The following HECW2 variants were observed in gnomAD, a reference collection of about 807,000 sequenced individuals.
HECW2 encodes E3 ubiquitin-protein ligase HECW2.
HECW2 carries 61 observed loss-of-function variants against 175.2 expected under a neutral mutation model. That is an observed-to-expected ratio of 0.35 (90% confidence interval 0.28 to 0.43). HECW2 has a LOEUF of 0.43. HECW2 is among the 20% of genes least tolerant of loss of function. The pLI is 1.00. For synonymous variants in HECW2, 671 were observed against 731.0 expected (o/e 0.92, Z 1.32); for missense variants, 1,524 against 2,000.5 (o/e 0.76, Z 4.54).
intron 1 of HECW2, among the ~76,000 whole-genome samples, chr2:196,541,809 C>A (rs1043007506): frequency 4.6e-5 from 7 of 151,880 alleles, no homozygotes; most frequent in Admixed American, 2.6e-4. Flanking sequence ...AAAACAAACT[C>A]CTTCCAACAC....
chr2:196,556,264 C>T (rs1689790443), intron 1 of HECW2, among the ~76,000 whole-genome samples: 1 of 152,152 alleles, frequency 6.6e-6, no homozygotes, highest in African/African-American at 2.4e-5. Flanking sequence ...AGCCAATTAA[C>T]ATGTCCATCA....
intron 12 of HECW2, 92 bp from the exon 13 acceptor site, chr2:196,306,704 T>G: frequency 8.0e-7 from 1 of 1,252,886 alleles, no homozygotes; most frequent in Non-Finnish European, 1.1e-6. Flanking sequence ...AAAAGAATCA[T>G]AGGATACCTA....
intron 17 of HECW2, among the ~76,000 whole-genome samples, chr2:196,259,175 T>C (rs910048752): frequency 5.3e-5 from 8 of 152,212 alleles, no homozygotes; most frequent in African/African-American, 1.4e-4. Context: ...GGTTTTGCCA[T>C]GTTCGCCATG....
intron 10 of HECW2, chr2:196,317,002 C>A: frequency 2.6e-6 from 1 of 389,224 alleles, no homozygotes; most frequent in Admixed American, 3.7e-5. Context: ...ATTATGCACC[C>A]AATTTCCCAA....
chr2:196,393,867 G>A (rs568159222), intron 2 of HECW2, among the ~76,000 whole-genome samples: 52 of 152,164 alleles, frequency 3.4e-4, no homozygotes, highest in African/African-American at 1.1e-3. Context: ...TGTTTATTGC[G>A]GCACTATTCA....
intron 1 of HECW2, among the ~76,000 whole-genome samples, chr2:196,493,817 C>A (rs13387145): frequency 6.6e-6 from 1 of 152,076 alleles, no homozygotes; most frequent in Non-Finnish European, 1.5e-5. Flanking sequence ...GAGGGAGAAG[C>A]CTTTTATGCT....
At chr2:196,336,583 G>C (rs1692558356) in intron 3 of HECW2, among the ~76,000 whole-genome samples, 1 of 152,016 alleles carries the variant, frequency 6.6e-6, no homozygotes. Context: ...TCTCAAGTTA[G>C]GATGCCATCT....
At chr2:196,308,455 A>G (rs1172055690) in intron 10 of HECW2, among the ~76,000 whole-genome samples, 1 of 152,222 alleles carries the variant, frequency 6.6e-6, no homozygotes. Context: ...ATTTTCACCA[A>G]AAAAACCTGA....
chr2:196,295,451 A>C (rs1055195836), intron 13 of HECW2, among the ~76,000 whole-genome samples: 19 of 152,232 alleles, frequency 1.2e-4, no homozygotes, highest in African/African-American at 4.3e-4. Flanking sequence ...TCCTGAGACC[A>C]CACTAGTTTG....
chr2:196,425,170 T>G (rs1404172320), intron 2 of HECW2, among the ~76,000 whole-genome samples: 1 of 151,822 alleles, frequency 6.6e-6, no homozygotes, highest in African/African-American at 2.4e-5. Flanking sequence ...TACTGAATAT[T>G]TTTACGGAAT....
chr2:196,443,769 C>T (rs1414147967), intron 1 of HECW2, among the ~76,000 whole-genome samples: 1 of 152,238 alleles, frequency 6.6e-6, no homozygotes, highest in African/African-American at 2.4e-5. Flanking sequence ...GTGGCTCACA[C>T]CTGTAATCCC....
chr2:196,431,356 C>T lies in HECW2; in HGVS notation c.292+1776G>A, dbSNP rs368942589. Among the ~76,000 whole-genome samples the T allele has an allele frequency of 6.6e-5, 10 of 152,210 alleles. No individual in the cohort carries two copies. The East Asian group carries it at 1.5e-3, about 24-fold the overall frequency. The stretch of plus-strand genomic sequence containing the variant: ...ATTAAATTTAGACAGGGAAATAAAG[C>T]AAGTGTGTGTATGGGAATCAACTTT... On this transcript the variant is annotated intron_variant, in intron 2 of 28. Transcript: ENST00000644978.
intron 21 of HECW2, among the ~76,000 whole-genome samples, chr2:196,229,506 C>T (rs976748245): frequency 1.2e-4 from 18 of 152,014 alleles, no homozygotes; most frequent in South Asian, 4.2e-4. Context: ...GTGAGACCCC[C>T]GTCTCTACAA....
At chr2:196,318,316 A>G (rs966273420) in intron 9 of HECW2, among the ~76,000 whole-genome samples, 1 of 152,184 alleles carries the variant, frequency 6.6e-6, no homozygotes, top group African/African-American at 2.4e-5. Flanking sequence ...CCCCGCTCAG[A>G]AACAGGAGGC....
At chr2:196,479,933 T>G (rs972796753) in intron 1 of HECW2, among the ~76,000 whole-genome samples, 4 of 152,218 alleles carry the variant, frequency 2.6e-5, no homozygotes, top group Admixed American at 2.6e-4. Flanking sequence ...GCATTATTCA[T>G]GCTTAGAAAT....
chr2:196,478,532 T>C (rs773023512), intron 1 of HECW2, among the ~76,000 whole-genome samples: 1 of 152,090 alleles, frequency 6.6e-6, no homozygotes, highest in Non-Finnish European at 1.5e-5. Context: ...ATTAAAACGG[T>C]ATCTTGAACG....
At chr2:196,565,740 TTA>T (rs947178958) in intron 1 of HECW2, among the ~76,000 whole-genome samples, 1 of 152,216 alleles carries the variant, frequency 6.6e-6, no homozygotes, top group Non-Finnish European at 1.5e-5. Flanking sequence ...CAAAATAAAG[TTA>T]TCTTTCTTTA....
chr2:196,269,683 C>T (rs1053290735), intron 17 of HECW2, among the ~76,000 whole-genome samples: 23 of 151,986 alleles, frequency 1.5e-4, no homozygotes, highest in Admixed American at 1.2e-3. Context: ...TCCCTATTTG[C>T]AAGGCTCTTA....
chr2:196,363,052 C>A (rs1319040206), intron 2 of HECW2, among the ~76,000 whole-genome samples: 1 of 152,078 alleles, frequency 6.6e-6, no homozygotes, highest in Non-Finnish European at 1.5e-5. Flanking sequence ...CTTCGAAGGG[C>A]CACAGAGCTT....
Sources: gnomAD v4.1 joint callset for allele counts (sites outside exome capture counted in the v4.1 genomes callset) on GRCh38, gnomAD v4.1.1 for gene constraint, MANE v1.5 for transcripts, NCBI Gene and HGNC (gene_info 2026-07-23, HGNC 2026-07-21) for gene names.